CCDC192: variants seen among roughly 807,000 people sequenced by gnomAD.
CCDC192 encodes coiled-coil domain-containing protein 192.
chr5:127,705,779 G>T (rs1750923765), intron 1 of CCDC192, among the ~76,000 whole-genome samples: 1 of 152,088 alleles, frequency 6.6e-6, no homozygotes, highest in Non-Finnish European at 1.5e-5. Flanking sequence ...ACACACTCTG[G>T]ACTATTAGGC....
chr5:127,796,631 C>T (rs1174793536), intron 3 of CCDC192, among the ~76,000 whole-genome samples: 1 of 152,080 alleles, frequency 6.6e-6, no homozygotes, highest in Non-Finnish European at 1.5e-5. Context: ...CCTGAATATA[C>T]CCCAGTTCCA....
chr5:127,716,975 A>G (rs2126789458), intron 2 of CCDC192, among the ~76,000 whole-genome samples: 1 of 152,338 alleles, frequency 6.6e-6, no homozygotes, highest in East Asian at 1.9e-4. Context: ...AATCACAAAT[A>G]TCAGAATAAA....
chr5:127,807,268 C>A (rs1757841638), intron 5 of CCDC192, among the ~76,000 whole-genome samples: 1 of 152,088 alleles, frequency 6.6e-6, no homozygotes, highest in African/African-American at 2.4e-5. Context: ...AATAAGGCAC[C>A]TCATGTTAGC....
intron 5 of CCDC192, chr5:127,838,803 C>T (rs1270720503): frequency 6.6e-6 from 1 of 152,276 alleles, no homozygotes; most frequent in Non-Finnish European, 1.5e-5. Flanking sequence ...ACACTCTCTC[C>T]TCAACACTGT....
intron 3 of CCDC192, among the ~76,000 whole-genome samples, chr5:127,756,364 G>A (rs954737269): frequency 2.6e-5 from 4 of 152,126 alleles, no homozygotes; most frequent in Non-Finnish European, 5.9e-5. Context: ...AAGCATTCAG[G>A]GATCAGAGTT....
At chr5:127,781,203 A>G (rs188368055) in intron 3 of CCDC192, among the ~76,000 whole-genome samples, 211 of 152,212 alleles carry the variant, frequency 1.4e-3, no homozygotes, top group Non-Finnish European at 2.6e-3. Flanking sequence ...CTATTTTTAT[A>G]CTAGTACCAT....
chr5:127,741,359 A>G (rs1265139887), intron 2 of CCDC192, among the ~76,000 whole-genome samples: 1 of 152,198 alleles, frequency 6.6e-6, no homozygotes, highest in Non-Finnish European at 1.5e-5. Flanking sequence ...CAGCACACCC[A>G]GCCTGTAATT....
intron 5 of CCDC192, among the ~76,000 whole-genome samples, chr5:127,874,012 A>G (rs1418807369): frequency 2.0e-5 from 3 of 152,242 alleles, no homozygotes; most frequent in Non-Finnish European, 2.9e-5. Flanking sequence ...GAGGCTCAGA[A>G]GAAGGGAATT....
chr5:127,859,545 G>GT (rs35646808), intron 5 of CCDC192, among the ~76,000 whole-genome samples: 11 of 151,752 alleles, frequency 7.2e-5, no homozygotes, highest in East Asian at 3.9e-4. Flanking sequence ...CATTTTAAAG[G>GT]TTTTTTTTTG....
intron 3 of CCDC192, among the ~76,000 whole-genome samples, chr5:127,773,213 TG>T (rs1186354929): frequency 6.6e-6 from 1 of 152,228 alleles, no homozygotes; most frequent in Non-Finnish European, 1.5e-5. Flanking sequence ...TAACATTCAA[TG>T]AGTGGATGTA....
chr5:127,738,622 G>A (rs534571293), intron 2 of CCDC192, among the ~76,000 whole-genome samples: 1,875 of 149,748 alleles, frequency 0.013, 13 homozygotes, highest in African/African-American at 0.025. Context: ...TGGAGGCTTT[G>A]CTCATTTCTT....
chr5:127,784,837 A>G (rs2126940862), intron 3 of CCDC192: 1 of 461,442 alleles, frequency 2.2e-6, no homozygotes, highest in East Asian at 5.4e-5. Flanking sequence ...CTTCCTCAAT[A>G]TTTTTGTTTG....
intron 3 of CCDC192, among the ~76,000 whole-genome samples, chr5:127,758,453 G>A (rs1754735304): frequency 6.6e-6 from 1 of 152,158 alleles, no homozygotes; most frequent in Admixed American, 6.5e-5. Flanking sequence ...ATGGGATCAG[G>A]ATAACTTGCA....
chr5:127,842,446 G>A (rs1443238248), intron 5 of CCDC192, among the ~76,000 whole-genome samples: 4 of 152,106 alleles, frequency 2.6e-5, no homozygotes, highest in African/African-American at 9.7e-5. Flanking sequence ...TTGACATCCT[G>A]GGCTCAAGCA....
chr5:127,907,067 A>T (rs2127172631), intron 6 of CCDC192, among the ~76,000 whole-genome samples: 1 of 152,220 alleles, frequency 6.6e-6, no homozygotes, highest in East Asian at 1.9e-4. Flanking sequence ...TAGCCATCCT[A>T]ACAGGTGTGA....
chr5:127,778,081 T>C (rs563735840), intron 3 of CCDC192, among the ~76,000 whole-genome samples: 2 of 152,266 alleles, frequency 1.3e-5, no homozygotes, highest in East Asian at 3.9e-4. Flanking sequence ...TACAGATAGG[T>C]GAACTTCTTT....
intron 5 of CCDC192, among the ~76,000 whole-genome samples, chr5:127,835,121 TTAAAC>T (rs1427364805): frequency 7.3e-6 from 1 of 137,180 alleles, no homozygotes; most frequent in African/African-American, 2.5e-5. Flanking sequence ...AGAAAATTAT[TTAAAC>T]TAAAGTTCTT....
intron 6 of CCDC192, among the ~76,000 whole-genome samples, chr5:127,890,077 A>G (rs955723079): frequency 1.3e-5 from 2 of 152,070 alleles, no homozygotes; most frequent in Non-Finnish European, 2.9e-5. Context: ...GATCTCACAG[A>G]TGCGAAGATC....
intron 5 of CCDC192, among the ~76,000 whole-genome samples, chr5:127,851,691 C>T (rs574645545): frequency 1.3e-5 from 2 of 152,144 alleles, no homozygotes; most frequent in Non-Finnish European, 2.9e-5. Flanking sequence ...CTCCTGACCT[C>T]GTGATCTGCC....
Sources: allele counts gnomAD v4.1 joint callset (sites outside exome capture counted in the v4.1 genomes callset), GRCh38; gene constraint gnomAD v4.1.1; transcripts MANE v1.5; gene names NCBI Gene and HGNC (gene_info 2026-07-23, HGNC 2026-07-21).